Variants in OTUD7A observed in about 807,000 individuals in gnomAD.
The protein encoded by OTUD7A is OTU domain-containing protein 7A.
In OTUD7A, 12 loss-of-function variants were observed where a neutral mutation model predicts 65.7. The ratio of observed to expected loss-of-function variants is 0.18; its 90% confidence interval spans 0.12 to 0.30. OTUD7A has a LOEUF of 0.30. Among genes scored for constraint, OTUD7A ranks in the 10% least tolerant of loss-of-function variants. OTUD7A has a pLI of 1.00. For missense variants in OTUD7A, 1,148 were observed against 1,304.8 expected (o/e 0.88, Z 1.85); for synonymous variants, 641 against 586.3 (o/e 1.09, Z -1.35).
chr15:31,798,766 C>T (rs1567029061), intron 1 of OTUD7A, among the ~76,000 whole-genome samples: 1 of 152,248 alleles, frequency 6.6e-6, no homozygotes, highest in Non-Finnish European at 1.5e-5. Context: ...GTTCCCAGCC[C>T]CCACGGCCCC....
intron 1 of OTUD7A, among the ~76,000 whole-genome samples, chr15:31,837,027 T>C (rs1897071135): frequency 6.6e-6 from 1 of 152,104 alleles, no homozygotes; most frequent in African/African-American, 2.4e-5. Context: ...CACATAATGA[T>C]TCATAAAGAA....
chr15:31,729,969 G>A (rs1402003077), intron 1 of OTUD7A, among the ~76,000 whole-genome samples: 1 of 152,094 alleles, frequency 6.6e-6, no homozygotes, highest in Non-Finnish European at 1.5e-5. Context: ...TGAACTGAAT[G>A]TCTGTGTCCC....
chr15:31,580,434 T>G (rs1302314066), intron 3 of OTUD7A, among the ~76,000 whole-genome samples: 3 of 152,202 alleles, frequency 2.0e-5, no homozygotes, highest in Admixed American at 6.5e-5. Context: ...TAAGAAAAAT[T>G]ACTCTGGTTG....
At chr15:31,714,401 AG>A (rs1292116194) in intron 1 of OTUD7A, among the ~76,000 whole-genome samples, 1 of 152,106 alleles carries the variant, frequency 6.6e-6, no homozygotes, top group African/African-American at 2.4e-5. Context: ...AGAGGTCAGG[AG>A]AATGGAAAGA....
intron 1 of OTUD7A, among the ~76,000 whole-genome samples, chr15:31,750,403 C>CAAA (rs3080850): frequency 0.58 from 51,276 of 88,256 alleles, 16,537 homozygotes; most frequent in South Asian, 0.66. Flanking sequence ...GAATCTGACT[C>CAAA]AAAAAAAAAA....
chr15:31,501,919 C>T, intron 9 of OTUD7A, 80 bp from the exon 10 acceptor site: 1 of 1,475,016 alleles, frequency 6.8e-7, no homozygotes, highest in Non-Finnish European at 9.2e-7. Flanking sequence ...CCCTGTCCCT[C>T]ACTACCCCGG....
intron 1 of OTUD7A, among the ~76,000 whole-genome samples, chr15:31,719,420 G>T (rs1279885914): frequency 6.6e-6 from 1 of 151,670 alleles, no homozygotes; most frequent in African/African-American, 2.4e-5. Flanking sequence ...CTCTGATCAG[G>T]GCAACCTCAA....
intron 1 of OTUD7A, among the ~76,000 whole-genome samples, chr15:31,679,945 C>G (rs1340772777): frequency 1.3e-5 from 2 of 152,122 alleles, no homozygotes; most frequent in East Asian, 3.9e-4. Flanking sequence ...ATTCAAAGGA[C>G]CAATTAAAAA....
chr15:31,652,175 T>C (rs1891859785), intron 3 of OTUD7A, among the ~76,000 whole-genome samples: 1 of 152,190 alleles, frequency 6.6e-6, no homozygotes, highest in Non-Finnish European at 1.5e-5. Flanking sequence ...TCCAGAAATA[T>C]ATTCCTTACA....
At chr15:31,562,711 C>T (rs1213592395) in intron 4 of OTUD7A, among the ~76,000 whole-genome samples, 1 of 152,148 alleles carries the variant, frequency 6.6e-6, no homozygotes, top group Non-Finnish European at 1.5e-5. Flanking sequence ...AAAACTTTTC[C>T]TAAAGGGTGA....
At chr15:31,584,627 A>G (rs1266649076) in intron 3 of OTUD7A, among the ~76,000 whole-genome samples, 1 of 152,358 alleles carries the variant, frequency 6.6e-6, no homozygotes, top group East Asian at 1.9e-4. Context: ...ATACACATCC[A>G]AAGAATCGCA....
intron 1 of OTUD7A, among the ~76,000 whole-genome samples, chr15:31,702,648 C>T (rs1893238655): frequency 6.6e-6 from 1 of 151,916 alleles, no homozygotes; most frequent in South Asian, 2.1e-4. Flanking sequence ...GATTGAAAAA[C>T]TCAATACACT....
chr15:31,845,098 C>T (rs1897267568), intron 1 of OTUD7A, among the ~76,000 whole-genome samples: 1 of 152,196 alleles, frequency 6.6e-6, no homozygotes, highest in South Asian at 2.1e-4. Context: ...AAATAGGCTG[C>T]CTTCTTGCCA....
chr15:31,508,435 C>T (rs554688629), intron 8 of OTUD7A, among the ~76,000 whole-genome samples: 7 of 152,298 alleles, frequency 4.6e-5, no homozygotes, highest in East Asian at 1.9e-4. Flanking sequence ...CTGCAAGCTC[C>T]GCCTCCTGGG....
At chr15:31,764,021 T>C (rs1014213729) in intron 1 of OTUD7A, among the ~76,000 whole-genome samples, 1 of 152,176 alleles carries the variant, frequency 6.6e-6, no homozygotes, top group African/African-American at 2.4e-5. Context: ...CTCTGAAAGA[T>C]ATGTTAATGG....
At chr15:31,747,444 T>C (rs1454122908) in intron 1 of OTUD7A, among the ~76,000 whole-genome samples, 1 of 152,082 alleles carries the variant, frequency 6.6e-6, no homozygotes, top group Admixed American at 6.5e-5. Context: ...GAAGGAGGTG[T>C]TGAGAGAACA....
At chr15:31,765,889 T>C (rs1244655938) in intron 1 of OTUD7A, 2 of 1,277,666 alleles carry the variant, frequency 1.6e-6, no homozygotes, top group Non-Finnish European at 2.3e-6. Flanking sequence ...TGAAACTATT[T>C]TAGTTTTTTT....
rs1898006533 is a variant in OTUD7A at position 31,870,645 on chromosome 15, T to G, written c.-238A>C. On this transcript the variant is annotated 5_prime_UTR_variant, in exon 1 of 13. Coordinates refer to ENST00000307050, the MANE Select transcript of OTUD7A (RefSeq NM_001382637.1). ...CGGGCTCCGCGGCCCCCTCCCCAGC[T>G]GCCGCTCGCGGTCCCGGTGGCCTCT... is the stretch of plus-strand genomic sequence containing the variant. 1 of 147,956 alleles carries G rather than the reference T, an allele frequency of 6.8e-6. No individual in the cohort carries two copies. Among genetic ancestry groups the G allele is most frequent in the Non-Finnish European group, 1.5e-5 (1 of 66,702 alleles). The allele number at this position is 147,956 out of a possible 1,614,324, so 9.2% of individuals were successfully genotyped here. A position where few individuals can be genotyped will look rare whatever the true frequency, so the allele number is the denominator to read the frequency against.
chr15:31,512,647 T>C (rs1161056043), intron 8 of OTUD7A, among the ~76,000 whole-genome samples: 1 of 152,200 alleles, frequency 6.6e-6, no homozygotes, highest in Non-Finnish European at 1.5e-5. Flanking sequence ...ACTTAGAATT[T>C]TTTAAAAGAG....
Sources: allele counts gnomAD v4.1 joint callset (sites outside exome capture counted in the v4.1 genomes callset), GRCh38; gene constraint gnomAD v4.1.1; transcripts MANE v1.5; gene names NCBI Gene and HGNC (gene_info 2026-07-23, HGNC 2026-07-21).